OR52B2: variants seen among roughly 807,000 people sequenced by gnomAD.
OR52B2 encodes olfactory receptor 52B2.
OR52B2 carries 16 observed loss-of-function variants against 12.8 expected under a neutral mutation model. The observed-to-expected ratio is 1.25, with a 90% CI of 0.85 to 1.90. The LOEUF (loss-of-function observed/expected upper bound fraction) is 1.90, where lower values mean the gene tolerates loss of function less well. OR52B2 is among the 40% of genes most tolerant of loss of function. The pLI is 0.00. For missense variants in OR52B2, 465 were observed against 407.8 expected (o/e 1.14, Z -1.21); for synonymous variants, 169 against 152.2 (o/e 1.11, Z -0.81).
chr11:6,170,129 T>C lies in OR52B2; in HGVS notation c.198A>G (p.Ser66=). The change falls in exon 1 of 1, where the codon TCA becomes TCG. Residue 66 remains serine (S), a synonymous_variant. Transcript: ENST00000530810. ...GCAGGATGTCCATGACGGCCAGCATTGAGAGGAAGAAATACATGGGCACAT... is the reference window on the plus strand; with the variant it reads ...GCAGGATGTCCATGACGGCCAGCATCGAGAGGAAGAAATACATGGGCACAT... ...NLHVPMYFFL[S]MLAVMDILLS... The C allele has an allele frequency of 1.2e-6, 2 of 1,613,770 alleles. No individual in the cohort carries two copies. The highest frequency in any genetic ancestry group is 1.7e-6 in the Non-Finnish European group (2 of 1,179,876).
chr11:6,169,406 G>A lies in OR52B2; in HGVS notation c.921C>T (p.His307=), dbSNP rs1244103811. ...KTKQIREGVA[H]RFFDIKTWCC... Reference sequence around the variant, plus strand: ...ACCAAGTCTTGATGTCAAAGAACCGGTGGGCTACACCCTCACGTATCTGCT... The same window carrying A: ...ACCAAGTCTTGATGTCAAAGAACCGATGGGCTACACCCTCACGTATCTGCT... The change falls in exon 1 of 1, where the codon CAC becomes CAT. Residue 307 remains histidine (H), a synonymous_variant. Transcript: ENST00000530810. 6.2e-7 allele frequency: 1 copy of A among 1,613,768 alleles called. No individual in the cohort carries two copies. The highest frequency in any genetic ancestry group is 8.5e-7 in the Non-Finnish European group (1 of 1,179,838).
rs1407812461 is a variant in OR52B2 at position 6,169,670 on chromosome 11, A to C, written c.657T>G (p.Ser219=). The change falls in exon 1 of 1, where the codon TCT becomes TCG. Residue 219 remains serine (S), a synonymous_variant. Transcript: ENST00000530810. The part of the protein sequence containing the change: ...VILDVILIAV[S]YSLILRAVFR... ...ACACTGCTCGGAGGATCAGTGAGTA[A>C]GACACAGCGATGAGGATAACATCCA... The C allele has an allele frequency of 1.9e-6, 3 of 1,613,794 alleles. No individual in the cohort carries two copies. The Admixed American group carries it at 5.0e-5, about 27-fold the overall frequency.
Position 6,169,817 on chromosome 11 carries a change from G to A in OR52B2, c.510C>T (p.Phe170=). 1 of 1,613,842 alleles carries A rather than the reference G, an allele frequency of 6.2e-7. No individual in the cohort carries two copies. The change falls in exon 1 of 1, where the codon TTC becomes TTT. Residue 170 remains phenylalanine, a synonymous_variant. Coordinates refer to ENST00000530810, the MANE Select transcript of OR52B2 (RefSeq NM_001004052.1). The stretch of plus-strand genomic sequence containing the variant: ...AGTGAGGAACAATGTTGGTTAGGCA[G>A]AAGGGCAGCCGCTTCAGCAAGAATA... ...PVIFLLKRLP[F]CLTNIVPHSY... is the part of the protein sequence containing the mutation.
Position 6,169,867 on chromosome 11 carries a change from T to C in OR52B2, c.460A>G (p.Ser154Gly). 1 of 1,613,728 alleles carries C rather than the reference T, an allele frequency of 6.2e-7. No individual in the cohort carries two copies. Among genetic ancestry groups the C allele is most frequent in the Non-Finnish European group, 8.5e-7 (1 of 1,179,858 alleles). ...GRIALAVITR[S>G]FCIIFPVIFL... ...ATGACTGGGAAGATGATGCAGAAGC[T>C]TCGGGTGATGACGGCCAGAGCAATC... is the stretch of plus-strand genomic sequence containing the variant. Residue 154 changes from serine to glycine, a missense_variant, in exon 1 of 1, where the codon AGC becomes GGC. By Grantham distance (56) the Ser-to-Gly change is moderately conservative. Coordinates refer to ENST00000530810, the MANE Select transcript of OR52B2 (RefSeq NM_001004052.1).
chr11:6,169,502 A>G lies in OR52B2; in HGVS notation c.825T>C (p.His275=). Reference sequence around the variant, plus strand: ...CCACATAAAGATTGGCCAGCAAGATATGGACATGTTGAGGAATATTACGCC... The same window carrying G: ...CCACATAAAGATTGGCCAGCAAGATGTGGACATGTTGAGGAATATTACGCC... ...HFGRNIPQHV[H]ILLANLYVAV... Residue 275 remains histidine, a synonymous_variant, in exon 1 of 1, where the codon CAT becomes CAC. Transcript: ENST00000530810. The G allele has an allele frequency of 6.2e-7, 1 of 1,613,834 alleles. No homozygotes were observed. The highest frequency in any genetic ancestry group is 8.5e-7 in the Non-Finnish European group (1 of 1,179,868).
Position 6,169,435 on chromosome 11 carries a change from T to C in OR52B2, c.892A>G (p.Thr298Ala). ...MLNPIVYGVK[T>A]KQIREGVAHR... ...GCTACACCCTCACGTATCTGCTTAG[T>C]CTTCACACCATAGACAATGGGGTTC... The change falls in exon 1 of 1, where the codon ACT (threonine) becomes GCT (alanine). Residue 298 changes from threonine (T) to alanine (A), a missense_variant. Coordinates refer to ENST00000530810, the MANE Select transcript of OR52B2 (RefSeq NM_001004052.1). The C allele has an allele frequency of 6.2e-7, 1 of 1,613,772 alleles. No homozygotes were observed.
In OR52B2 at chr11:6,169,722, A is replaced by G; in HGVS notation, c.605T>C (p.Phe202Ser). The change falls in exon 1 of 1, where the codon TTC (phenylalanine) becomes TCC (serine). Residue 202 changes from phenylalanine to serine, a missense_variant. Transcript: ENST00000530810. ...ADITVNIWYG[F>S]SVPIVMVILD... ...GATGACCATGACAATGGGCACTGAG[A>G]AGCCATACCAAATGTTAACAGTGAT... 2.5e-6 allele frequency: 4 copies of G among 1,613,750 alleles called. No individual in the cohort carries two copies. Among genetic ancestry groups the G allele is most frequent in the Non-Finnish European group, 3.4e-6 (4 of 1,179,860 alleles).
Position 6,170,006 on chromosome 11 carries a change from A to G in OR52B2, c.321T>C (p.His107=), listed in dbSNP as rs777077913. The change falls in exon 1 of 1, where the codon CAT becomes CAC. Residue 107 remains histidine, a synonymous_variant. Transcript: ENST00000530810. ...DACVTQGFFV[H]MMFVGESAIL... ...TAGCTGACTCCCCCACAAACATCAT[A>G]TGGACAAAGAAGCCTTGGGTGACAC... is the stretch of plus-strand genomic sequence containing the variant. The G allele has an allele frequency of 3.1e-6, 5 of 1,613,810 alleles. No homozygotes were observed. The South Asian group carries it at 5.5e-5, about 18-fold the overall frequency.
Position 6,169,487 on chromosome 11 carries a change from A to G in OR52B2, c.840T>C (p.Asn280=), listed in dbSNP as rs1846640765. Residue 280 remains asparagine (N), a synonymous_variant, in exon 1 of 1, where the codon AAT becomes AAC. Transcript: ENST00000530810. ...GCATTGGTGGCACTGCCACATAAAGATTGGCCAGCAAGATATGGACATGTT... is the reference window on the plus strand; with the variant it reads ...GCATTGGTGGCACTGCCACATAAAGGTTGGCCAGCAAGATATGGACATGTT... ...IPQHVHILLA[N]LYVAVPPMLN... is the part of the protein sequence containing the mutation. 6.2e-7 allele frequency: 1 copy of G among 1,613,834 alleles called. No homozygotes were observed. The highest frequency in any genetic ancestry group is 1.3e-5 in the African/African-American group (1 of 74,922).
In OR52B2 at chr11:6,169,872, G is replaced by A. The variant is rs534466037; in HGVS notation, c.455C>T (p.Thr152Ile). The change falls in exon 1 of 1, where the codon ACC becomes ATC. Residue 152 changes from threonine (T) to isoleucine (I), a missense_variant. Coordinates refer to ENST00000530810, the MANE Select transcript of OR52B2 (RefSeq NM_001004052.1). Reference sequence around the variant, plus strand: ...TGGGAAGATGATGCAGAAGCTTCGGGTGATGACGGCCAGAGCAATCCTCCC... The same window carrying A: ...TGGGAAGATGATGCAGAAGCTTCGGATGATGACGGCCAGAGCAATCCTCCC... ...VVGRIALAVI[T>I]RSFCIIFPVI... The A allele has an allele frequency of 1.9e-6, 3 of 1,613,828 alleles. No individual in the cohort carries two copies. The South Asian group carries it at 3.3e-5, about 18-fold the overall frequency.
chr11:6,170,311 C>G lies in OR52B2; in HGVS notation c.16G>C (p.Val6Leu), dbSNP rs768154331. 9 of 1,606,224 alleles carry G rather than the reference C, an allele frequency of 5.6e-6. No homozygotes were observed. Among genetic ancestry groups the G allele is most frequent in the Middle Eastern group, 1.7e-4 (1 of 6,056 alleles). The part of the protein sequence containing the change: MSHTN[V>L]TIFHPAVFVL... ...AAAACTGCAGGATGGAAGATGGTAA[C>G]ATTGGTGTGACTCATGATGCACTTT... is the stretch of plus-strand genomic sequence containing the variant. Residue 6 changes from valine to leucine, a missense_variant, in exon 1 of 1, where the codon GTT becomes CTT. Coordinates refer to ENST00000530810, the MANE Select transcript of OR52B2 (RefSeq NM_001004052.1).
chr11:6,170,046 A>G lies in OR52B2; in HGVS notation c.281T>C (p.Ile94Thr). ...TTGGGTGACACAGGCATCAAAAGCAATGTTATGTGCTTGAAGCCAAAAGAT... is the reference window on the plus strand; with the variant it reads ...TTGGGTGACACAGGCATCAAAAGCAGTGTTATGTGCTTGAAGCCAAAAGAT... ...LAIFWLQAHN[I>T]AFDACVTQGF... The change falls in exon 1 of 1, where the codon ATT (isoleucine) becomes ACT (threonine). Residue 94 changes from isoleucine to threonine, a missense_variant. Coordinates refer to ENST00000530810, the MANE Select transcript of OR52B2 (RefSeq NM_001004052.1). 3 of 1,613,828 alleles carry G rather than the reference A, an allele frequency of 1.9e-6. No homozygotes were observed. The highest frequency in any genetic ancestry group is 2.5e-6 in the Non-Finnish European group (3 of 1,179,872).
rs751930610 is a variant in OR52B2, at chr11:6,169,759, C to T, written c.568G>A (p.Ala190Thr). 1.9e-6 allele frequency: 3 copies of T among 1,613,176 alleles called. No individual in the cohort carries two copies. The highest frequency in any genetic ancestry group is 1.3e-5 in the African/African-American group (1 of 74,784). The change falls in exon 1 of 1, where the codon GCC (alanine) becomes ACC (threonine). Residue 190 changes from alanine to threonine, a missense_variant. Ala to Thr is a moderately conservative substitution (Grantham distance 58). Transcript: ENST00000530810. ...YCEHIGVARLACADITVNIWY... is the reference protein window; with the variant it reads ...YCEHIGVARLTCADITVNIWY... ...ATGTTAACAGTGATGTCAGCACAGG[C>T]TAAACGAGCCACTCCAATATGCTCA...
At position 6,169,619 on chromosome 11, in the gene OR52B2, C is replaced by T; in HGVS notation, c.708G>A (p.Arg236=). The change falls in exon 1 of 1, where the codon CGG becomes CGA. Residue 236 remains arginine, a synonymous_variant. Transcript: ENST00000530810. ...AVFRLPSQDA[R]HKALSTCGSH... Reference sequence around the variant, plus strand: ...AGCCACAAGTGCTGAGGGCCTTGTGCCGAGCATCCTGGGAGGGCAAACGAA... The same window carrying T: ...AGCCACAAGTGCTGAGGGCCTTGTGTCGAGCATCCTGGGAGGGCAAACGAA... 6.2e-7 allele frequency: 1 copy of T among 1,613,756 alleles called. No homozygotes were observed. The highest frequency in any genetic ancestry group is 8.5e-7 in the Non-Finnish European group (1 of 1,179,862).
At position 6,170,249 on chromosome 11, in the gene OR52B2, G is replaced by A. The variant is rs1846651139; in HGVS notation, c.78C>T (p.His26=). 2 of 1,613,258 alleles carry A rather than the reference G, an allele frequency of 1.2e-6. No homozygotes were observed. Among genetic ancestry groups the A allele is most frequent in the Non-Finnish European group, 1.7e-6 (2 of 1,179,800 alleles). ...GGCAAAGAGGTATTGACAGCCAAATGTGATAAGCCTCCAACCCAGGGATGC... is the reference window on the plus strand; with the variant it reads ...GGCAAAGAGGTATTGACAGCCAAATATGATAAGCCTCCAACCCAGGGATGC... The part of the protein sequence containing the change: ...LPGIPGLEAY[H]IWLSIPLCLI... The change falls in exon 1 of 1, where the codon CAC becomes CAT. Residue 26 remains histidine, a synonymous_variant. Transcript: ENST00000530810.
Position 6,170,062 on chromosome 11 carries a change from G to T in OR52B2, c.265C>A (p.Leu89Ile). The change falls in exon 1 of 1, where the codon CTT becomes ATT. Residue 89 changes from leucine to isoleucine, a missense_variant. Coordinates refer to ENST00000530810, the MANE Select transcript of OR52B2 (RefSeq NM_001004052.1). ...TCAAAAGCAATGTTATGTGCTTGAA[G>T]CCAAAAGATGGCTAGGGCCTTGGGC... ...TVPKALAIFW[L>I]QAHNIAFDAC... 2 of 1,613,830 alleles carry T rather than the reference G, an allele frequency of 1.2e-6. No individual in the cohort carries two copies. The highest frequency in any genetic ancestry group is 1.7e-6 in the Non-Finnish European group (2 of 1,179,880).
rs528803353 is a variant in OR52B2 at position 6,169,467 on chromosome 11, G to A, written c.860C>T (p.Pro287Leu). 3.1e-6 allele frequency: 5 copies of A among 1,613,706 alleles called. No homozygotes were observed. The East Asian group carries it at 6.7e-5, about 22-fold the overall frequency. ...ACCATAGACAATGGGGTTCAGCATT[G>A]GTGGCACTGCCACATAAAGATTGGC... Reference protein sequence around the residue: ...LLANLYVAVPPMLNPIVYGVK... With the variant: ...LLANLYVAVPLMLNPIVYGVK... Residue 287 changes from proline to leucine, a missense_variant, in exon 1 of 1, where the codon CCA (proline) becomes CTA (leucine). Transcript: ENST00000530810.
rs765548736 is a variant in OR52B2 at position 6,169,663 on chromosome 11, G to T, written c.664C>A (p.Leu222Met). The change falls in exon 1 of 1, where the codon CTG (leucine) becomes ATG (methionine). Residue 222 changes from leucine to methionine, a missense_variant. Transcript: ENST00000530810. The part of the protein sequence containing the change: ...DVILIAVSYS[L>M]ILRAVFRLPS... ...AAACGAAACACTGCTCGGAGGATCA[G>T]TGAGTAAGACACAGCGATGAGGATA... The T allele has an allele frequency of 6.2e-7, 1 of 1,613,826 alleles. No homozygotes were observed. Among genetic ancestry groups the T allele is most frequent in the Non-Finnish European group, 8.5e-7 (1 of 1,179,884 alleles).
Position 6,170,313 on chromosome 11 carries a change from T to C in OR52B2, c.14A>G (p.Asn5Ser), listed in dbSNP as rs1590570318. 4 of 1,605,818 alleles carry C rather than the reference T, an allele frequency of 2.5e-6. No homozygotes were observed. In the East Asian group the frequency reaches 8.9e-5, roughly 36 times the overall value. The part of the protein sequence containing the change: MSHT[N>S]VTIFHPAVFV... ...AACTGCAGGATGGAAGATGGTAACA[T>C]TGGTGTGACTCATGATGCACTTTAT... is the stretch of plus-strand genomic sequence containing the variant. The change falls in exon 1 of 1, where the codon AAT becomes AGT. Residue 5 changes from asparagine (N) to serine (S), a missense_variant. Physicochemically the swap from Asn to Ser is conservative, Grantham distance 46. Transcript: ENST00000530810.
Sources: gnomAD v4.1 joint callset for allele counts on GRCh38, gnomAD v4.1.1 for gene constraint, MANE v1.5 for transcripts, NCBI Gene and HGNC (gene_info 2026-07-23, HGNC 2026-07-21) for gene names.